The following SPIDR variants were observed in gnomAD, a reference collection of about 807,000 sequenced individuals.
SPIDR encodes DNA repair-scaffolding protein.
In SPIDR, 93 loss-of-function variants were observed where a neutral mutation model predicts 104.6. The observed-to-expected ratio is 0.89, with a 90% CI of 0.75 to 1.06. The LOEUF is 1.06. Among genes scored for constraint, SPIDR ranks in the 50% least tolerant of loss-of-function variants. The pLI is 0.00. For synonymous variants in SPIDR, 431 were observed against 416.9 expected, an observed-to-expected ratio of 1.03 and a Z score of -0.41; for missense variants, 1,154 against 1,111.2, an observed-to-expected ratio of 1.04 and a Z score of -0.55.
intron 12 of SPIDR, among the ~76,000 whole-genome samples, chr8:47,701,278 C>G (rs1589321049): frequency 6.6e-6 from 1 of 152,172 alleles, no homozygotes; most frequent in East Asian, 1.9e-4. Flanking sequence ...ACTAAAAATA[C>G]AAAGTTAGCT....
At chr8:47,581,785 T>A (rs1462606136) in intron 8 of SPIDR, among the ~76,000 whole-genome samples, 4 of 152,158 alleles carry the variant, frequency 2.6e-5, no homozygotes, top group Non-Finnish European at 5.9e-5. Context: ...AAGAAAAAAA[T>A]TTCTATTTGC....
chr8:47,537,956 C>T (rs2087232606), intron 8 of SPIDR, among the ~76,000 whole-genome samples: 1 of 151,968 alleles, frequency 6.6e-6, no homozygotes, highest in South Asian at 2.1e-4. Context: ...GCGGGCGGAT[C>T]ATTTGAGGTC....
In SPIDR at chr8:47,603,800, G is replaced by A. The variant is rs559398337; in HGVS notation, c.1544+4604G>A. Among the ~76,000 whole-genome samples, 13 of 152,322 alleles carry A rather than the reference G, an allele frequency of 8.5e-5. No individual in the cohort carries two copies. The South Asian group carries it at 1.2e-3, about 15-fold the overall frequency. ...TTAGTCCTTTGCAAGAGGACAGAACGTGCTAAATAGTCGTGTCTTCAGACA... is the reference window on the plus strand; with the variant it reads ...TTAGTCCTTTGCAAGAGGACAGAACATGCTAAATAGTCGTGTCTTCAGACA... On this transcript the variant is annotated intron_variant, in intron 10 of 19. Coordinates refer to ENST00000297423, the MANE Select transcript of SPIDR (RefSeq NM_001080394.4).
intron 8 of SPIDR, chr8:47,547,329 A>G (rs2089591642): frequency 1.9e-6 from 1 of 519,542 alleles, no homozygotes; most frequent in Non-Finnish European, 3.8e-6. Context: ...TGCCCATGAC[A>G]TCTATGAATC....
intron 8 of SPIDR, among the ~76,000 whole-genome samples, chr8:47,446,422 C>T (rs1247725882): frequency 1.3e-5 from 2 of 152,082 alleles, no homozygotes; most frequent in Non-Finnish European, 2.9e-5. Flanking sequence ...AAATACTACC[C>T]CTCATTGACA....
chr8:47,500,831 G>A (rs1487091212), intron 8 of SPIDR, among the ~76,000 whole-genome samples: 1 of 152,146 alleles, frequency 6.6e-6, no homozygotes, highest in East Asian at 1.9e-4. Context: ...AAGGTGTAAG[G>A]AAGGGATCCA....
intron 8 of SPIDR, among the ~76,000 whole-genome samples, chr8:47,514,522 G>A (rs2082826647): frequency 6.6e-6 from 1 of 152,110 alleles, no homozygotes; most frequent in Admixed American, 6.6e-5. Flanking sequence ...CAGTTACTAT[G>A]GTAGAAATCT....
At chr8:47,664,079 A>G (rs576887667) in intron 10 of SPIDR, among the ~76,000 whole-genome samples, 2 of 152,320 alleles carry the variant, frequency 1.3e-5, no homozygotes, top group East Asian at 1.9e-4. Flanking sequence ...CTCACTTTCT[A>G]GAGACTAACC....
At chr8:47,618,858 A>G (rs910394124) in intron 10 of SPIDR, among the ~76,000 whole-genome samples, 1 of 152,248 alleles carries the variant, frequency 6.6e-6, no homozygotes, top group Non-Finnish European at 1.5e-5. Context: ...CTGTGTTAAT[A>G]TGGAATGATC....
At chr8:47,342,117 A>G (rs1400613709) in intron 5 of SPIDR, among the ~76,000 whole-genome samples, 3 of 152,038 alleles carry the variant, frequency 2.0e-5, no homozygotes, top group African/African-American at 7.2e-5. Flanking sequence ...TTAGTATGGG[A>G]GGAGGATTTT....
chr8:47,421,725 C>T (rs2065505079), intron 7 of SPIDR, among the ~76,000 whole-genome samples: 3 of 152,060 alleles, frequency 2.0e-5, no homozygotes, highest in Admixed American at 2.0e-4. Context: ...TCTGTTTTTT[C>T]CCCATCTTTG....
At chr8:47,495,185 T>A (rs1251467710) in intron 8 of SPIDR, among the ~76,000 whole-genome samples, 3 of 152,154 alleles carry the variant, frequency 2.0e-5, no homozygotes, top group Non-Finnish European at 4.4e-5. Context: ...AGCACCCTTC[T>A]ATTGCATAGT....
chr8:47,511,631 T>G (rs2082341564), intron 8 of SPIDR: 2 of 795,648 alleles, frequency 2.5e-6, no homozygotes, highest in Non-Finnish European at 4.6e-6. Flanking sequence ...TGATGTCTCT[T>G]TTCTCCTGCC....
At chr8:47,397,664 G>C (rs1334706734) in intron 6 of SPIDR, among the ~76,000 whole-genome samples, 2 of 152,174 alleles carry the variant, frequency 1.3e-5, no homozygotes, top group Admixed American at 6.5e-5. Context: ...ATCATAAGAA[G>C]ACCAGCCTGG....
At chr8:47,283,440 C>T (rs2038209053) in intron 2 of SPIDR, among the ~76,000 whole-genome samples, 3 of 152,030 alleles carry the variant, frequency 2.0e-5, no homozygotes, top group Admixed American at 2.0e-4. Flanking sequence ...ACCATCATAG[C>T]AGATTTAATA....
chr8:47,359,897 T>C (rs1039776957), intron 5 of SPIDR, among the ~76,000 whole-genome samples: 3 of 152,206 alleles, frequency 2.0e-5, no homozygotes, highest in Non-Finnish European at 2.9e-5. Flanking sequence ...TATGCATGTA[T>C]GTCAAAGTGT....
chr8:47,327,558 A>T (rs1276045123), intron 5 of SPIDR, among the ~76,000 whole-genome samples: 1 of 151,846 alleles, frequency 6.6e-6, no homozygotes, highest in African/African-American at 2.4e-5. Flanking sequence ...GCACCAGCAC[A>T]CTTGGCTAAT....
At chr8:47,386,196 C>T (rs1269677790) in intron 5 of SPIDR, among the ~76,000 whole-genome samples, 3 of 151,990 alleles carry the variant, frequency 2.0e-5, no homozygotes, top group Admixed American at 6.5e-5. Flanking sequence ...TCAGGAATAT[C>T]AATCATTGGA....
intron 8 of SPIDR, chr8:47,511,960 G>C: frequency 2.5e-6 from 2 of 786,390 alleles, no homozygotes; most frequent in Non-Finnish European, 4.6e-6. Flanking sequence ...TGTGCCTCTG[G>C]ACACTGAACT....
Sources: gnomAD v4.1 joint callset for allele counts (sites outside exome capture counted in the v4.1 genomes callset) on GRCh38, gnomAD v4.1.1 for gene constraint, MANE v1.5 for transcripts, NCBI Gene and HGNC (gene_info 2026-07-23, HGNC 2026-07-21) for gene names.